DNAH7: variants seen among roughly 807,000 people sequenced by gnomAD.
DNAH7 encodes dynein axonemal heavy chain 7, also known as axonemal beta dynein heavy chain 7.
In DNAH7, 397 loss-of-function variants were observed where a neutral mutation model predicts 444.6. The observed-to-expected ratio is 0.89, with a 90% CI of 0.82 to 0.97. The LOEUF (loss-of-function observed/expected upper bound fraction) is 0.97, where lower values mean the gene tolerates loss of function less well. Among genes scored for constraint, DNAH7 ranks in the 50% least tolerant of loss-of-function variants. The pLI is 0.00. For synonymous variants in DNAH7, 1,636 were observed against 1,624.4 expected (o/e 1.01, Z -0.17); for missense variants, 4,902 against 4,800.8 (o/e 1.02, Z -0.62).
At position 195,861,654 on chromosome 2, in the gene DNAH7, T is replaced by G. The variant is rs752915812; in HGVS notation, c.7736+63A>C. 138 of 1,136,286 alleles carry G rather than the reference T, an allele frequency of 1.2e-4. 1 individual carries two copies. The highest frequency in any genetic ancestry group is 1.6e-4 in the Non-Finnish European group (128 of 780,850). 70.4% of individuals were successfully genotyped at this position (1,136,286 alleles called of 1,614,324 possible). On this transcript the variant is annotated intron_variant, in intron 42 of 64. Transcript: ENST00000312428. The stretch of plus-strand genomic sequence containing the variant: ...AATCTCCATTATATATTATGTCGTT[T>G]TTGCACACACAAGTATTTTTAATTG...
intron 10 of DNAH7, among the ~76,000 whole-genome samples, chr2:196,012,348 A>AT (rs895697168): frequency 6.6e-6 from 1 of 152,108 alleles, no homozygotes; most frequent in African/African-American, 2.4e-5. Context: ...TTCTAGTGAG[A>AT]TTTTTTTAAT....
intron 40 of DNAH7, 80 bp from the exon 41 acceptor site, chr2:195,865,101 G>T: frequency 2.9e-6 from 4 of 1,369,044 alleles, no homozygotes; most frequent in South Asian, 1.7e-5. Context: ...GCTAATCTCA[G>T]GTAATAAAAA....
chr2:196,026,514 C>G (rs1229415363), intron 7 of DNAH7, among the ~76,000 whole-genome samples: 2 of 152,068 alleles, frequency 1.3e-5, no homozygotes, highest in East Asian at 3.8e-4. Context: ...GAAATTAATG[C>G]TTTATAATTT....
At position 195,960,865 on chromosome 2, in the gene DNAH7, G is replaced by C; in HGVS notation, c.2286C>G (p.Gly762=). Residue 762 remains glycine, a synonymous_variant, in exon 18 of 65, where the codon GGC becomes GGG. Coordinates refer to ENST00000312428, the MANE Select transcript of DNAH7 (RefSeq NM_018897.3). ...VYPQRKKIQD[G]LNPYLRLYET... ...CATAAAGACGAAGATAAGGGTTCAA[G>C]CCATCTTGGATTTTTTTACGTTGAG... 6.2e-7 allele frequency: 1 copy of C among 1,614,028 alleles called. No individual in the cohort carries two copies. The highest frequency in any genetic ancestry group is 1.1e-5 in the South Asian group (1 of 91,056).
chr2:195,771,508 GCTC>G, intron 61 of DNAH7, 149 bp downstream of exon 61: 1 of 632,498 alleles, frequency 1.6e-6, no homozygotes, highest in East Asian at 2.8e-5. Flanking sequence ...AATTCTATAA[GCTC>G]CTCAAGGGCA....
At chr2:196,015,224 AGT>A (rs1444707984) in intron 9 of DNAH7, among the ~76,000 whole-genome samples, 1 of 152,150 alleles carries the variant, frequency 6.6e-6, no homozygotes, top group East Asian at 1.9e-4. Flanking sequence ...TGGGGAAAAC[AGT>A]TTCTCAGTAT....
chr2:195,894,705 G>C (rs1207459064), intron 30 of DNAH7: 2 of 233,708 alleles, frequency 8.6e-6, no homozygotes, highest in African/African-American at 4.5e-5. Flanking sequence ...AGATTTTTCT[G>C]TTTTCAGACT....
chr2:195,820,789 C>T (rs963608074), intron 49 of DNAH7, among the ~76,000 whole-genome samples: 1 of 152,140 alleles, frequency 6.6e-6, no homozygotes, highest in Admixed American at 6.5e-5. Flanking sequence ...AATCATAAAA[C>T]ATGTGAACTA....
intron 19 of DNAH7, among the ~76,000 whole-genome samples, chr2:195,952,529 C>A (rs1690335836): frequency 6.6e-6 from 1 of 152,192 alleles, no homozygotes; most frequent in African/African-American, 2.4e-5. Context: ...TGTTTTCCAG[C>A]TTGGTTCCAT....
At chr2:195,976,949 C>A (rs1692254571) in intron 15 of DNAH7, among the ~76,000 whole-genome samples, 1 of 152,102 alleles carries the variant, frequency 6.6e-6, no homozygotes, top group Non-Finnish European at 1.5e-5. Flanking sequence ...TTAATGCAGA[C>A]ACAGAAGAAG....
chr2:195,885,293 A>G (rs1701641082), intron 34 of DNAH7, among the ~76,000 whole-genome samples: 1 of 152,190 alleles, frequency 6.6e-6, no homozygotes, highest in Non-Finnish European at 1.5e-5. Context: ...CTGCAAGCAA[A>G]AGATACTAGC....
At chr2:195,776,641 T>C (rs964601856) in intron 59 of DNAH7, among the ~76,000 whole-genome samples, 1 of 152,154 alleles carries the variant, frequency 6.6e-6, no homozygotes, top group African/African-American at 2.4e-5. Context: ...TTTTCTGATT[T>C]ACTCTGATTA....
chr2:195,756,224 A>G lies in DNAH7; in HGVS notation c.11495T>C (p.Ile3832Thr). Residue 3832 changes from isoleucine to threonine, a missense_variant, in exon 62 of 65, where the codon ATT becomes ACT. Ile to Thr is a moderately conservative substitution (Grantham distance 89, BLOSUM62 -1). Coordinates refer to ENST00000312428, the MANE Select transcript of DNAH7 (RefSeq NM_018897.3). The part of the protein sequence containing the change: ...EVVSSILNVK[I>T]PEMWMGKSYP... ...GGATTTACCCATCCACATTTCTGGA[A>G]TTTTGACATTCAAAATGCTGCTAAC... 1 of 1,613,738 alleles carries G rather than the reference A, an allele frequency of 6.2e-7. No individual in the cohort carries two copies. Among genetic ancestry groups the G allele is most frequent in the Non-Finnish European group, 8.5e-7 (1 of 1,179,726 alleles).
intron 24 of DNAH7, among the ~76,000 whole-genome samples, chr2:195,912,454 C>T (rs1171920162): frequency 6.6e-6 from 1 of 152,294 alleles, no homozygotes; most frequent in South Asian, 2.1e-4. Flanking sequence ...GTCCAGATCC[C>T]GAGAGCCAGA....
At position 195,873,685 on chromosome 2, in the gene DNAH7, C is replaced by T. The variant is rs373086090; in HGVS notation, c.6296G>A (p.Arg2099Gln). ...CATGTATCGAGGAGTTACTGGATTT[C>T]GACCACCACCTAAATATTAAAAAGT... ...MCAMGPPGGG[R>Q]NPVTPRYMRH... Residue 2099 changes from arginine (R) to glutamine (Q), a missense_variant, in exon 39 of 65, where the codon CGA (arginine) becomes CAA (glutamine). Transcript: ENST00000312428. The T allele has an allele frequency of 2.0e-5, 31 of 1,523,988 alleles. No individual in the cohort carries two copies. In the Middle Eastern group the frequency reaches 1.0e-3, roughly 51 times the overall value. 94.4% of individuals were successfully genotyped at this position (1,523,988 alleles called of 1,614,324 possible). A position where few individuals can be genotyped will look rare whatever the true frequency, so the allele number is the denominator to read the frequency against.
chr2:195,779,764 C>T (rs1695284602), intron 58 of DNAH7, among the ~76,000 whole-genome samples: 1 of 152,012 alleles, frequency 6.6e-6, no homozygotes, highest in Non-Finnish European at 1.5e-5. Context: ...TGCCACCATG[C>T]CCGGCTAATT....
intron 61 of DNAH7, among the ~76,000 whole-genome samples, chr2:195,766,728 G>T (rs1019071896): frequency 6.6e-6 from 1 of 152,052 alleles, no homozygotes; most frequent in Non-Finnish European, 1.5e-5. Flanking sequence ...TGTTTGAGGT[G>T]ATCGATACCC....
intron 24 of DNAH7, among the ~76,000 whole-genome samples, chr2:195,920,331 C>T (rs761135413): frequency 1.3e-5 from 2 of 152,108 alleles, no homozygotes; most frequent in Non-Finnish European, 2.9e-5. Flanking sequence ...GCTATAGTTA[C>T]CAAAACAGCA....
At chr2:195,958,741 A>G (rs886463042) in intron 18 of DNAH7, among the ~76,000 whole-genome samples, 1 of 152,232 alleles carries the variant, frequency 6.6e-6, no homozygotes, top group Non-Finnish European at 1.5e-5. Flanking sequence ...TTTTACAAGT[A>G]CATTTCTAAG....
Sources: allele counts gnomAD v4.1 joint callset (sites outside exome capture counted in the v4.1 genomes callset), GRCh38; gene constraint gnomAD v4.1.1; transcripts MANE v1.5; gene names NCBI Gene and HGNC (gene_info 2026-07-23, HGNC 2026-07-21).